Variants in DARS2 observed in about 807,000 individuals in gnomAD.
The protein encoded by DARS2 is aspartate--tRNA ligase, mitochondrial.
DARS2 carries 63 observed loss-of-function variants against 83.0 expected under a neutral mutation model. The observed-to-expected ratio is 0.76, with a 90% CI of 0.62 to 0.94. The LOEUF is 0.94. Ranked by LOEUF, DARS2 falls within the 40% of genes least tolerant of loss-of-function variation. The pLI, the probability that DARS2 is intolerant of heterozygous loss-of-function variation, is 0.00. For synonymous variants in DARS2, 250 were observed against 269.3 expected, an observed-to-expected ratio of 0.93 and a Z score of 0.70; for missense variants, 675 against 774.4, an observed-to-expected ratio of 0.87 and a Z score of 1.52.
chr1:173,851,997 C>A, intron 13 of DARS2: 1 of 985,364 alleles, frequency 1.0e-6, no homozygotes, highest in African/African-American at 1.7e-5. Flanking sequence ...GGCTATTAAA[C>A]CTTCTCTTGG....
chr1:173,850,444 G>A lies in DARS2; in HGVS notation c.1309G>A (p.Val437Met). ...ACTAATGGAGACCCAAGAGGAAGAT[G>A]TGGTCCTACTAACTGCTGGAGAGCA... ...IRLMETQEED[V>M]VLLTAGEHNK... The change falls in exon 13 of 17, where the codon GTG becomes ATG. Residue 437 changes from valine to methionine, a missense_variant. By Grantham distance (21) the Val-to-Met change is conservative. Coordinates refer to ENST00000649689, the MANE Select transcript of DARS2 (RefSeq NM_018122.5). 1 of 1,614,028 alleles carries A rather than the reference G, an allele frequency of 6.2e-7. No homozygotes were observed. Among genetic ancestry groups the A allele is most frequent in the East Asian group, 2.2e-5 (1 of 44,860 alleles).
intron 8 of DARS2, 95 bp downstream of exon 8, chr1:173,837,141 G>T: frequency 1.8e-6 from 2 of 1,138,154 alleles, no homozygotes; most frequent in Non-Finnish European, 2.6e-6. Context: ...CTCAAGAGAA[G>T]GATAGAAAAT....
chr1:173,854,043 A>T, intron 15 of DARS2, 138 bp downstream of exon 15: 2 of 736,588 alleles, frequency 2.7e-6, no homozygotes, highest in East Asian at 5.5e-5. Context: ...TGGTGCATTC[A>T]TAGCTCACTG....
chr1:173,852,797 C>T (rs1320132794), intron 13 of DARS2, among the ~76,000 whole-genome samples: 1 of 152,054 alleles, frequency 6.6e-6, no homozygotes, highest in Non-Finnish European at 1.5e-5. Flanking sequence ...GCCACTGCAC[C>T]CCTCCGCACT....
chr1:173,849,216 C>T (rs1327502698), intron 12 of DARS2, among the ~76,000 whole-genome samples: 2 of 149,286 alleles, frequency 1.3e-5, no homozygotes, highest in African/African-American at 2.5e-5. Context: ...GTTATCTGTA[C>T]ATATTCAAGA....
At position 173,833,390 on chromosome 1, in the gene DARS2, T is replaced by G. The variant is rs766369643; in HGVS notation, c.507T>G (p.Leu169=). 4 of 1,607,200 alleles carry G rather than the reference T, an allele frequency of 2.5e-6. No homozygotes were observed. The highest frequency in any genetic ancestry group is 3.4e-6 in the Non-Finnish European group (4 of 1,176,658). ...AATTTCTTTAGAAAACAGAGGCTCT[T>G]CGGTTGCAGTATCGCTACTTAGACT... ...IKNFVKKTEA[L]RLQYRYLDLR... Residue 169 remains leucine, a synonymous_variant, in exon 6 of 17, where the codon CTT becomes CTG. Transcript: ENST00000649689.
chr1:173,852,093 C>T lies in DARS2; in HGVS notation c.1345-1256C>T. ...CCTTCCTTGAAAGAGAGCTAGAAACCAGACTTTCGAGGAATAACATTAACA... is the reference window on the plus strand; with the variant it reads ...CCTTCCTTGAAAGAGAGCTAGAAACTAGACTTTCGAGGAATAACATTAACA... On this transcript the variant is annotated intron_variant, in intron 13 of 16. Coordinates refer to ENST00000649689, the MANE Select transcript of DARS2 (RefSeq NM_018122.5). The T allele has an allele frequency of 4.1e-6, 4 of 985,340 alleles. No individual in the cohort carries two copies. In the South Asian group the frequency reaches 1.9e-4, roughly 46 times the overall value. The allele number at this position is 985,340 out of a possible 1,614,324, so 61.0% of individuals were successfully genotyped here. A position where few individuals can be genotyped will look rare whatever the true frequency, so the allele number is the denominator to read the frequency against.
chr1:173,838,069 G>A (rs1452666919), intron 8 of DARS2, 121 bp from the exon 9 acceptor site: 18 of 808,948 alleles, frequency 2.2e-5, no homozygotes, highest in East Asian at 1.3e-4. Flanking sequence ...CGCCATGCCC[G>A]GCCCTTCTTA....
At chr1:173,835,999 AT>A (rs1652989886) in intron 7 of DARS2, among the ~76,000 whole-genome samples, 1 of 151,534 alleles carries the variant, frequency 6.6e-6, no homozygotes, top group East Asian at 2.0e-4. Flanking sequence ...AGAGGTTGTA[AT>A]GAGCCAAGAT....
chr1:173,854,781 T>C (rs899096200), intron 15 of DARS2, among the ~76,000 whole-genome samples: 2 of 152,250 alleles, frequency 1.3e-5, no homozygotes, highest in African/African-American at 4.8e-5. Context: ...AGATTTTATA[T>C]CACTTATTAG....
rs1653925420 is a variant in DARS2 at position 173,858,199 on chromosome 1, C to T, written c.*494C>T. The T allele has an allele frequency of 6.2e-6, 1 of 161,516 alleles. No homozygotes were observed. Among genetic ancestry groups the T allele is most frequent in the Admixed American group, 5.9e-5 (1 of 16,928 alleles). The allele number at this position is 161,516 out of a possible 1,614,324, so 10.0% of individuals were successfully genotyped here. ...ATCAACATAATATAGTGAGGAGTAG[C>T]ATAATATTTTTTAATAATGCAGAAA... On this transcript the variant is annotated 3_prime_UTR_variant, in exon 17 of 17. Transcript: ENST00000649689.
Position 173,856,672 on chromosome 1 carries a change from G to T in DARS2, c.1681G>T (p.Val561Leu), listed in dbSNP as rs1653870447. 1.2e-6 allele frequency: 2 copies of T among 1,613,930 alleles called. No individual in the cohort carries two copies. The highest frequency in any genetic ancestry group is 1.7e-6 in the Non-Finnish European group (2 of 1,179,880). Reference protein sequence around the residue: ...YILATLLKEDVKMLSHLLQAL... With the variant: ...YILATLLKEDLKMLSHLLQAL... ...ATTATCTTTTGAATTTCAGGAGGAT[G>T]TGAAAATGCTCTCCCATCTGCTCCA... is the stretch of plus-strand genomic sequence containing the variant. The change falls in exon 16 of 17, where the codon GTG becomes TTG. Residue 561 changes from valine (V) to leucine (L), a missense_variant. Transcript: ENST00000649689.
chr1:173,854,166 A>G (rs1219393795), intron 15 of DARS2, among the ~76,000 whole-genome samples: 1 of 151,952 alleles, frequency 6.6e-6, no homozygotes, highest in African/African-American at 2.4e-5. Flanking sequence ...TTGAAGAGAT[A>G]AGATTTCCCT....
intron 13 of DARS2, 152 bp downstream of exon 13, chr1:173,850,631 A>C (rs1571996100): frequency 1.1e-6 from 1 of 901,290 alleles, no homozygotes; most frequent in South Asian, 1.7e-5. Flanking sequence ...TAAGAGACGG[A>C]GTTTTGCTCT....
In DARS2 at chr1:173,830,652, T is replaced by C; in HGVS notation, c.295-8T>C. 6.2e-7 allele frequency: 1 copy of C among 1,610,220 alleles called. No individual in the cohort carries two copies. Among genetic ancestry groups the C allele is most frequent in the Non-Finnish European group, 8.5e-7 (1 of 1,176,474 alleles). ...TTTCTCAGAACTCTTTTCCCCCTTG[T>C]TCTGTAGTCGGCAGCCTCTGTGAAG... On this transcript the variant is annotated splice_region_variant and splice_polypyrimidine_tract_variant and intron_variant, in intron 3 of 16. Coordinates refer to ENST00000649689, the MANE Select transcript of DARS2 (RefSeq NM_018122.5).
intron 6 of DARS2, among the ~76,000 whole-genome samples, 196 bp downstream of exon 6, chr1:173,833,695 T>C (rs1003848892): frequency 6.6e-6 from 1 of 152,218 alleles, no homozygotes; most frequent in African/African-American, 2.4e-5. Flanking sequence ...CGCTATTACA[T>C]TGATTAATGT....
intron 11 of DARS2, among the ~76,000 whole-genome samples, 170 bp from the exon 12 acceptor site, chr1:173,845,059 T>G (rs1396605472): frequency 2.0e-5 from 3 of 152,098 alleles, no homozygotes; most frequent in Non-Finnish European, 4.4e-5. Flanking sequence ...CCTCCCAAAG[T>G]GCTGGGATTA....
chr1:173,844,778 A>ATTTTTT (rs1164469532), intron 11 of DARS2, among the ~76,000 whole-genome samples: 14 of 56,838 alleles, frequency 2.5e-4, no homozygotes, highest in East Asian at 1.2e-3. Context: ...CAGAAATTGG[A>ATTTTTT]TTTTTTTTTT....
intron 7 of DARS2, among the ~76,000 whole-genome samples, chr1:173,834,737 T>TG (rs1428485788): frequency 5.6e-5 from 7 of 124,550 alleles, no homozygotes; most frequent in African/African-American, 2.1e-4. Flanking sequence ...TTTTTGTTTT[T>TG]TTTTTTTTTT....
Sources: gnomAD v4.1 joint callset for allele counts (sites outside exome capture counted in the v4.1 genomes callset) on GRCh38, gnomAD v4.1.1 for gene constraint, MANE v1.5 for transcripts, NCBI Gene and HGNC (gene_info 2026-07-23, HGNC 2026-07-21) for gene names.